The following KCNJ3 variants were observed in gnomAD, a reference collection of about 807,000 sequenced individuals.
The protein encoded by KCNJ3 is potassium inwardly rectifying channel subfamily J member 3.
In KCNJ3, 4 loss-of-function variants were observed where a neutral mutation model predicts 39.2. That is an observed-to-expected ratio of 0.10 (90% CI 0.05 to 0.23). The LOEUF is 0.23. KCNJ3 is among the 10% of genes least tolerant of loss of function. KCNJ3 has a pLI of 1.00. For synonymous variants in KCNJ3, 230 were observed against 237.4 expected, an observed-to-expected ratio of 0.97 and a Z score of 0.29; for missense variants, 276 against 634.9, an observed-to-expected ratio of 0.43 and a Z score of 6.08.
At chr2:154,746,424 T>C (rs960604664) in intron 2 of KCNJ3, among the ~76,000 whole-genome samples, 3 of 151,716 alleles carry the variant, frequency 2.0e-5, no homozygotes, top group African/African-American at 7.2e-5. Context: ...CTAGATTACT[T>C]ATAATACCTA....
intron 2 of KCNJ3, among the ~76,000 whole-genome samples, chr2:154,794,950 A>G (rs1558875914): frequency 1.3e-5 from 2 of 152,002 alleles, no homozygotes; most frequent in Non-Finnish European, 2.9e-5. Context: ...GTGTATGCCA[A>G]GCACTGTTTA....
chr2:154,730,581 C>T (rs1685432830), intron 2 of KCNJ3, among the ~76,000 whole-genome samples: 1 of 151,902 alleles, frequency 6.6e-6, no homozygotes, highest in Non-Finnish European at 1.5e-5. Flanking sequence ...GGTGTTAACC[C>T]ATATTGCTTT....
intron 2 of KCNJ3, among the ~76,000 whole-genome samples, chr2:154,824,482 G>A (rs924336044): frequency 7.2e-5 from 11 of 151,894 alleles, no homozygotes; most frequent in Non-Finnish European, 1.5e-4. Context: ...AACGGTTTGG[G>A]TGCCTAAAAT....
At chr2:154,711,093 G>A (rs1007920388) in intron 2 of KCNJ3, among the ~76,000 whole-genome samples, 3 of 152,102 alleles carry the variant, frequency 2.0e-5, no homozygotes, top group Admixed American at 6.6e-5. Context: ...AAGATTTAAT[G>A]TATTAATCTA....
chr2:154,745,633 G>T (rs1685727511), intron 2 of KCNJ3, among the ~76,000 whole-genome samples: 1 of 151,904 alleles, frequency 6.6e-6, no homozygotes, highest in South Asian at 2.1e-4. Flanking sequence ...TAGAATGTCT[G>T]CTTTAAAATT....
In KCNJ3 at chr2:154,857,160, T is replaced by C. The variant is rs909932867; in HGVS notation, c.*1847T>C. 6.6e-6 allele frequency: 1 copy of C among 152,224 alleles called. No individual in the cohort carries two copies. Among genetic ancestry groups the C allele is most frequent in the South Asian group, 2.1e-4 (1 of 4,822 alleles). The allele number at this position is 152,224 out of a possible 1,614,324, so 9.4% of individuals were successfully genotyped here. A position where few individuals can be genotyped will look rare whatever the true frequency, so the allele number is the denominator to read the frequency against. On this transcript the variant is annotated 3_prime_UTR_variant, in exon 3 of 3. Transcript: ENST00000295101. ...GTGCATCCACTGTGAATGGAGCAAATTGCCCTATACCCATTGATAACCTAG... is the reference window on the plus strand; with the variant it reads ...GTGCATCCACTGTGAATGGAGCAAACTGCCCTATACCCATTGATAACCTAG...
At chr2:154,799,445 A>C (rs1379810101) in intron 2 of KCNJ3, among the ~76,000 whole-genome samples, 1 of 152,156 alleles carries the variant, frequency 6.6e-6, no homozygotes, top group Non-Finnish European at 1.5e-5. Context: ...ATTTTAAAGC[A>C]ATTCCTGATA....
intron 1 of KCNJ3, among the ~76,000 whole-genome samples, chr2:154,701,950 T>A (rs1293331650): frequency 6.6e-6 from 1 of 151,964 alleles, no homozygotes; most frequent in African/African-American, 2.4e-5. Context: ...TCCTTAGACT[T>A]CATTAAAAAG....
chr2:154,726,796 T>TACACACAC (rs58366846), intron 2 of KCNJ3, among the ~76,000 whole-genome samples: 1,196 of 115,390 alleles, frequency 0.01, 16 homozygotes, highest in African/African-American at 0.028. Context: ...TTTATATACA[T>TACACACAC]ACACACACAC....
chr2:154,727,741 T>C (rs998802874), intron 2 of KCNJ3, among the ~76,000 whole-genome samples: 1 of 151,818 alleles, frequency 6.6e-6, no homozygotes, highest in Non-Finnish European at 1.5e-5. Context: ...GGTGCAGAGG[T>C]TATACATGAT....
At chr2:154,841,381 A>T (rs766363626) in intron 2 of KCNJ3, among the ~76,000 whole-genome samples, 6 of 152,008 alleles carry the variant, frequency 3.9e-5, no homozygotes, top group African/African-American at 1.2e-4. Flanking sequence ...AGGGATATTG[A>T]TCTAAAATTC....
chr2:154,784,922 A>C (rs1686501403), intron 2 of KCNJ3, among the ~76,000 whole-genome samples: 1 of 152,206 alleles, frequency 6.6e-6, no homozygotes, highest in Non-Finnish European at 1.5e-5. Context: ...TAAATGATTT[A>C]GTGTGCAAAG....
At chr2:154,778,869 GC>G (rs1309048478) in intron 2 of KCNJ3, among the ~76,000 whole-genome samples, 1 of 151,998 alleles carries the variant, frequency 6.6e-6, no homozygotes, top group Admixed American at 6.6e-5. Context: ...AGAGTTTAGG[GC>G]ATCAGCTTAG....
At chr2:154,770,821 T>A (rs1465700677) in intron 2 of KCNJ3, among the ~76,000 whole-genome samples, 1 of 152,068 alleles carries the variant, frequency 6.6e-6, no homozygotes, top group Non-Finnish European at 1.5e-5. Flanking sequence ...TATGATAAAT[T>A]TGTGGTTGTG....
At chr2:154,722,419 A>C (rs1291975351) in intron 2 of KCNJ3, among the ~76,000 whole-genome samples, 1 of 152,190 alleles carries the variant, frequency 6.6e-6, no homozygotes, top group African/African-American at 2.4e-5. Flanking sequence ...GACTTGGCAA[A>C]GAAGGGGGAA....
At chr2:154,768,483 G>T (rs1686175242) in intron 2 of KCNJ3, among the ~76,000 whole-genome samples, 2 of 152,144 alleles carry the variant, frequency 1.3e-5, no homozygotes, top group Admixed American at 1.3e-4. Flanking sequence ...GTTTGTCAAA[G>T]ATCAGATGGT....
At chr2:154,849,869 A>C (rs1687724283) in intron 2 of KCNJ3, among the ~76,000 whole-genome samples, 1 of 152,148 alleles carries the variant, frequency 6.6e-6, no homozygotes, top group African/African-American at 2.4e-5. Context: ...AGGAAAGGAA[A>C]ATGTCAAAAA....
chr2:154,730,255 C>T (rs563392719), intron 2 of KCNJ3, among the ~76,000 whole-genome samples: 2 of 152,000 alleles, frequency 1.3e-5, no homozygotes, highest in African/African-American at 4.8e-5. Flanking sequence ...CTGACTCCAA[C>T]TGGAAGAGTT....
chr2:154,803,026 TGAAAA>T (rs1686846866), intron 2 of KCNJ3, among the ~76,000 whole-genome samples: 1 of 151,968 alleles, frequency 6.6e-6, no homozygotes, highest in Non-Finnish European at 1.5e-5. Flanking sequence ...GAACTAATGA[TGAAAA>T]GAAAAGAGAT....
Sources: allele counts gnomAD v4.1 joint callset (sites outside exome capture counted in the v4.1 genomes callset), GRCh38; gene constraint gnomAD v4.1.1; transcripts MANE v1.5; gene names NCBI Gene and HGNC (gene_info 2026-07-23, HGNC 2026-07-21).